RHEBL1: variants seen among roughly 807,000 people sequenced by gnomAD.
RHEBL1 encodes RHEB like 1.
A neutral mutation model predicts 27.4 loss-of-function variants in RHEBL1; 22 were observed. The ratio of observed to expected loss-of-function variants is 0.80; its 90% CI spans 0.57 to 1.15. RHEBL1 has a LOEUF of 1.15. Ranked by LOEUF, RHEBL1 falls within the 50% of genes most tolerant of loss-of-function variation. The pLI, the probability that RHEBL1 is intolerant of heterozygous loss-of-function variation, is 0.00. For synonymous variants in RHEBL1, 85 were observed against 80.8 expected, an observed-to-expected ratio of 1.05 and a Z score of -0.28; for missense variants, 186 against 226.5, an observed-to-expected ratio of 0.82 and a Z score of 1.15.
At position 49,069,936 on chromosome 12, in the gene RHEBL1, C is replaced by A. The variant is rs748490659; in HGVS notation, c.-151G>T. The A allele has an allele frequency of 4.4e-6, 3 of 675,306 alleles. No homozygotes were observed. Among genetic ancestry groups the A allele is most frequent in the South Asian group, 1.6e-5 (1 of 61,668 alleles). The allele number at this position is 675,306 out of a possible 1,614,324, so 41.8% of individuals were successfully genotyped here. On this transcript the variant is annotated 5_prime_UTR_variant, in exon 1 of 8. Transcript: ENST00000301068. ...GTTAGAAGGAAACCAAAACAAGCGC[C>A]GCGCCCGGAGCTGCCCACGTGATCA...
chr12:49,068,899 G>T, intron 2 of RHEBL1, 136 bp downstream of exon 2: 1 of 916,328 alleles, frequency 1.1e-6, no homozygotes, highest in Non-Finnish European at 1.7e-6. Flanking sequence ...GAACAGGATT[G>T]CTAAAGAAGA....
Position 49,069,801 on chromosome 12 carries a change from C to G in RHEBL1, c.-16G>C. 2 of 1,613,160 alleles carry G rather than the reference C, an allele frequency of 1.2e-6. No individual in the cohort carries two copies. The highest frequency in any genetic ancestry group is 1.7e-6 in the Non-Finnish European group (2 of 1,179,542). On this transcript the variant is annotated 5_prime_UTR_variant, in exon 1 of 8. Coordinates refer to ENST00000301068, the MANE Select transcript of RHEBL1 (RefSeq NM_144593.3). ...CTAGCGGCATGGCAGGAGCCCGCCC[C>G]AGGGGCTTGCGGAACTGCGGGCTCA...
Position 49,064,979 on chromosome 12 carries a change from T to C in RHEBL1, c.*124A>G, listed in dbSNP as rs1938971497. 2.8e-6 allele frequency: 2 copies of C among 707,064 alleles called. No individual in the cohort carries two copies. The highest frequency in any genetic ancestry group is 1.7e-5 in the African/African-American group (1 of 57,370). The allele number at this position is 707,064 out of a possible 1,614,324, so 43.8% of individuals were successfully genotyped here. On this transcript the variant is annotated 3_prime_UTR_variant, in exon 8 of 8. Coordinates refer to ENST00000301068, the MANE Select transcript of RHEBL1 (RefSeq NM_144593.3). Reference sequence around the variant, plus strand: ...GTGTGCAAACATGAGGATGCCACACTGTGTGTCCAGGGGCCAGGAACACAG... The same window carrying C: ...GTGTGCAAACATGAGGATGCCACACCGTGTGTCCAGGGGCCAGGAACACAG...
chr12:49,064,894 C>T lies in RHEBL1; in HGVS notation c.*209G>A. 1.7e-6 allele frequency: 1 copy of T among 584,038 alleles called. No homozygotes were observed. Among genetic ancestry groups the T allele is most frequent in the Non-Finnish European group, 3.1e-6 (1 of 325,992 alleles). 36.2% of individuals were successfully genotyped at this position (584,038 alleles called of 1,614,324 possible). A position where few individuals can be genotyped will look rare whatever the true frequency, so the allele number is the denominator to read the frequency against. On this transcript the variant is annotated 3_prime_UTR_variant, in exon 8 of 8. Coordinates refer to ENST00000301068, the MANE Select transcript of RHEBL1 (RefSeq NM_144593.3). ...AAACAGAGGGCTAGAGGCCAGTGTC[C>T]ATGAGAGGTCCTTGCCCCTTTGTAA...
intron 3 of RHEBL1, 124 bp downstream of exon 3, chr12:49,066,844 G>C (rs1939005402): frequency 4.6e-6 from 5 of 1,082,954 alleles, no homozygotes; most frequent in Admixed American, 1.8e-5. Context: ...GCTCCAATGA[G>C]CCCTGCATAC....
intron 1 of RHEBL1, 136 bp downstream of exon 1, chr12:49,069,598 C>T: frequency 1.3e-6 from 1 of 786,784 alleles, no homozygotes; most frequent in Non-Finnish European, 2.2e-6. Context: ...TTCCATTCCT[C>T]CACTCTTCCA....
At chr12:49,066,769 A>G in intron 3 of RHEBL1, 68 bp from the exon 4 acceptor site, 1 of 1,445,046 alleles carries the variant, frequency 6.9e-7, no homozygotes, top group African/African-American at 1.4e-5. Context: ...TGGTGGGACA[A>G]CATCCAGGTG....
chr12:49,068,951 G>C, intron 2 of RHEBL1, 84 bp downstream of exon 2: 4 of 1,408,736 alleles, frequency 2.8e-6, no homozygotes, highest in Non-Finnish European at 3.9e-6. Context: ...CTTGGCACCA[G>C]AGAAATAAAT....
intron 2 of RHEBL1, 64 bp from the exon 3 acceptor site, chr12:49,067,099 C>CTT (rs10715716): frequency 3.3e-3 from 1,944 of 584,918 alleles, no homozygotes; most frequent in East Asian, 4.2e-3. Context: ...TGTCCCCTGA[C>CTT]TTTTTTTTTT....
Position 49,066,958 on chromosome 12 carries a change from C to G in RHEBL1, c.192+10G>C, listed in dbSNP as rs371852093. The G allele has an allele frequency of 9.2e-5, 148 of 1,610,256 alleles. No individual in the cohort carries two copies. The African/African-American group carries it at 1.8e-3, about 20-fold the overall frequency. ...ACTGCCACATTTGGATACCATACCC[C>G]AACTGGTACCTGCCCTGCTGTGTCC... On this transcript the variant is annotated intron_variant, in intron 3 of 7. Transcript: ENST00000301068.
chr12:49,067,850 C>T (rs1316340105), intron 2 of RHEBL1, among the ~76,000 whole-genome samples: 3 of 152,124 alleles, frequency 2.0e-5, no homozygotes, highest in Non-Finnish European at 4.4e-5. Context: ...TTTCAGGGTA[C>T]ATGTGACAAT....
At position 49,069,732 on chromosome 12, in the gene RHEBL1, A is replaced by G. The variant is rs754259262; in HGVS notation, c.52+2T>C. The stretch of plus-strand genomic sequence containing the variant: ...TCCGAGCTCTGCAGGGCGGAGACTC[A>G]CCTACACAGCGGTATCCGAGGATGA... On this transcript the variant is annotated splice_donor_variant, in intron 1 of 7. Coordinates refer to ENST00000301068, the MANE Select transcript of RHEBL1 (RefSeq NM_144593.3). LOFTEE classifies it high-confidence loss of function. The G allele has an allele frequency of 4.3e-6, 7 of 1,613,490 alleles. No individual in the cohort carries two copies. The highest frequency in any genetic ancestry group is 4.2e-6 in the Non-Finnish European group (5 of 1,179,750).
intron 2 of RHEBL1, among the ~76,000 whole-genome samples, chr12:49,068,506 G>A (rs1444873542): frequency 6.8e-6 from 1 of 147,516 alleles, no homozygotes; most frequent in Non-Finnish European, 1.5e-5. Context: ...CACGACCTTG[G>A]CTCACTGCCA....
intron 6 of RHEBL1, 32 bp from the exon 7 acceptor site, chr12:49,065,463 G>A: frequency 2.6e-6 from 4 of 1,560,914 alleles, no homozygotes; most frequent in Non-Finnish European, 3.5e-6. Flanking sequence ...AAAGATGGAG[G>A]ATAGAAATGT....
rs553453687 is a variant in RHEBL1 at position 49,066,474 on chromosome 12, A to C, written c.332+2T>G. The C allele has an allele frequency of 1.9e-6, 3 of 1,613,598 alleles. No homozygotes were observed. The South Asian group carries it at 3.3e-5, about 18-fold the overall frequency. On this transcript the variant is annotated splice_donor_variant, in intron 5 of 7. Coordinates refer to ENST00000301068, the MANE Select transcript of RHEBL1 (RefSeq NM_144593.3). LOFTEE classifies it high-confidence loss of function. ...ATGTCCCTATCCCCCAGGGCCACTT[A>C]CCGGGTTTTCCCATGGCCTTCATGT...
intron 1 of RHEBL1, 101 bp downstream of exon 1, chr12:49,069,633 T>G: frequency 1.9e-6 from 2 of 1,039,928 alleles, no homozygotes; most frequent in Non-Finnish European, 1.5e-6. Context: ...ACCCCATCCT[T>G]ACGATGTCAT....
At position 49,065,451 on chromosome 12, in the gene RHEBL1, A is replaced by G. The variant is rs1388762965; in HGVS notation, c.381-20T>C. On this transcript the variant is annotated intron_variant, in intron 6 of 7. Transcript: ENST00000301068. Reference sequence around the variant, plus strand: ...ACCTCTCTGGAAGCAAATTTGGGACATAAAGATGGAGGATAGAAATGTCAG... The same window carrying G: ...ACCTCTCTGGAAGCAAATTTGGGACGTAAAGATGGAGGATAGAAATGTCAG... 6 of 1,599,800 alleles carry G rather than the reference A, an allele frequency of 3.8e-6. No individual in the cohort carries two copies. The highest frequency in any genetic ancestry group is 2.2e-5 in the South Asian group (2 of 90,764).
At chr12:49,065,312 G>T in intron 7 of RHEBL1, 38 bp downstream of exon 7, 1 of 1,593,662 alleles carries the variant, frequency 6.3e-7, no homozygotes, top group East Asian at 2.2e-5. Flanking sequence ...GGAAAACACA[G>T]CTACCATCAC....
chr12:49,068,440 T>A (rs1939034041), intron 2 of RHEBL1, among the ~76,000 whole-genome samples: 1 of 144,120 alleles, frequency 6.9e-6, no homozygotes, highest in Non-Finnish European at 1.5e-5. Context: ...TTTTTTTTTT[T>A]TTTTTTTTTT....
Sources: gnomAD v4.1 joint callset for allele counts (sites outside exome capture counted in the v4.1 genomes callset) on GRCh38, gnomAD v4.1.1 for gene constraint, MANE v1.5 for transcripts, NCBI Gene and HGNC (gene_info 2026-07-23, HGNC 2026-07-21) for gene names.